LRRK2: variants seen among roughly 807,000 people sequenced by gnomAD.
LRRK2 encodes leucine-rich repeat serine/threonine-protein kinase 2.
A neutral mutation model predicts 302.6 loss-of-function variants in LRRK2; 203 were observed. The observed-to-expected ratio is 0.67, with a 90% CI of 0.60 to 0.75. The LOEUF is 0.75. LRRK2 is among the 30% of genes least tolerant of loss of function. The probability of loss-of-function intolerance (pLI) is 0.00; values close to 1 mark genes in which losing one functional copy is unlikely to be tolerated. For synonymous variants in LRRK2, 1,066 were observed against 1,031.9 expected, an observed-to-expected ratio of 1.03 and a Z score of -0.63; for missense variants, 2,830 against 2,951.0, an observed-to-expected ratio of 0.96 and a Z score of 0.95.
chr12:40,249,378 T>C (rs189068815), intron 7 of LRRK2, among the ~76,000 whole-genome samples: 1 of 151,498 alleles, frequency 6.6e-6, no homozygotes, highest in South Asian at 2.1e-4. Flanking sequence ...AACATGCCAA[T>C]GAATTTTCTA....
intron 16 of LRRK2, among the ~76,000 whole-genome samples, chr12:40,276,915 C>T (rs975473755): frequency 2.0e-5 from 3 of 152,252 alleles, no homozygotes; most frequent in Admixed American, 6.5e-5. Context: ...TCACTGCAAC[C>T]TCTGCCTCCT....
In LRRK2 at chr12:40,323,151, A is replaced by G. The variant is rs41286460; in HGVS notation, c.5510-9A>G. On this transcript the variant is annotated splice_polypyrimidine_tract_variant and intron_variant, in intron 37 of 50. Coordinates refer to ENST00000298910, the MANE Select transcript of LRRK2 (RefSeq NM_198578.4). Reference sequence around the variant, plus strand: ...GTTTTTATTTAAAAAATGTTTTATTACTTCTCAGGAGATCTCTTAGTAAAT... The same window carrying G: ...GTTTTTATTTAAAAAATGTTTTATTGCTTCTCAGGAGATCTCTTAGTAAAT... 3.2e-3 allele frequency: 5,094 copies of G among 1,610,342 alleles called. 21 individuals are homozygous for G. Among genetic ancestry groups the G allele is most frequent in the Middle Eastern group, 0.018 (108 of 6,050 alleles).
chr12:40,265,955 A>G (rs1244157784), intron 14 of LRRK2, among the ~76,000 whole-genome samples: 1 of 152,220 alleles, frequency 6.6e-6, no homozygotes, highest in African/African-American at 2.4e-5. Flanking sequence ...CCATATGTAG[A>G]AAGCTGAAAC....
At chr12:40,354,634 A>G in intron 45 of LRRK2, 142 bp downstream of exon 45, 1 of 777,546 alleles carries the variant, frequency 1.3e-6, no homozygotes, top group Non-Finnish European at 2.1e-6. Context: ...GGAATTGTGG[A>G]AGGTCACAGA....
At chr12:40,240,390 C>G (rs1204670863) in intron 5 of LRRK2, 93 bp from the exon 6 acceptor site, 49 of 1,154,848 alleles carry the variant, frequency 4.2e-5, no homozygotes, top group Non-Finnish European at 6.0e-5. Context: ...CTTGATGTAT[C>G]TCACACAACT....
chr12:40,306,813 T>G (rs761690154), intron 28 of LRRK2, among the ~76,000 whole-genome samples: 2 of 152,178 alleles, frequency 1.3e-5, no homozygotes, highest in Admixed American at 6.6e-5. Context: ...TATATTTAAC[T>G]TCATCTGTTT....
At chr12:40,367,302 GC>G (rs1946908614) in intron 50 of LRRK2, 1 of 485,312 alleles carries the variant, frequency 2.1e-6, no homozygotes, top group Non-Finnish European at 3.6e-6. Flanking sequence ...TCAATCACTA[GC>G]TCAACCTTAA....
chr12:40,296,892 G>A (rs539019920), intron 23 of LRRK2, among the ~76,000 whole-genome samples: 8 of 151,964 alleles, frequency 5.3e-5, no homozygotes, highest in African/African-American at 1.9e-4. Flanking sequence ...AGCCACCCAG[G>A]GCTCAATTTA....
chr12:40,230,132 G>A (rs1213505501), intron 2 of LRRK2, among the ~76,000 whole-genome samples: 1 of 152,104 alleles, frequency 6.6e-6, no homozygotes, highest in Non-Finnish European at 1.5e-5. Flanking sequence ...TGTCCTACTT[G>A]AGTAGTATAG....
At position 40,293,632 on chromosome 12, in the gene LRRK2, C is replaced by T. The variant is rs1944250276; in HGVS notation, c.2777C>T (p.Ser926Leu). Residue 926 changes from serine to leucine, a missense_variant, in exon 21 of 51, where the codon TCA becomes TTA. Physicochemically the swap from Ser to Leu is moderately radical, Grantham distance 145. Around this residue, in one of 3 missense-constraint regions of LRRK2, gnomAD observed 2,121 missense variants for 2,148.0 expected, o/e 0.99. Transcript: ENST00000298910. ...CGAGATGCCGTATTACAGCGTTGCTCACCAAATTTGCAAAGACATTCCAAT... is the reference window on the plus strand; with the variant it reads ...CGAGATGCCGTATTACAGCGTTGCTTACCAAATTTGCAAAGACATTCCAAT... The part of the protein sequence containing the change: ...FYRDAVLQRC[S>L]PNLQRHSNSL... The T allele has an allele frequency of 1.2e-6, 2 of 1,611,058 alleles. No individual in the cohort carries two copies. Among genetic ancestry groups the T allele is most frequent in the Admixed American group, 1.7e-5 (1 of 59,796 alleles).
intron 14 of LRRK2, among the ~76,000 whole-genome samples, chr12:40,265,987 A>G (rs1942994870): frequency 6.6e-6 from 1 of 152,202 alleles, no homozygotes; most frequent in South Asian, 2.1e-4. Flanking sequence ...CTTACACCTT[A>G]TACAAAAATA....
chr12:40,329,924 T>C (rs938321399), intron 39 of LRRK2, among the ~76,000 whole-genome samples: 2 of 152,188 alleles, frequency 1.3e-5, no homozygotes, highest in African/African-American at 2.4e-5. Context: ...GGAAAAGATA[T>C]ATATTTTCAT....
chr12:40,337,029 T>C (rs2136944468), intron 40 of LRRK2, among the ~76,000 whole-genome samples: 1 of 152,336 alleles, frequency 6.6e-6, no homozygotes, highest in African/African-American at 2.4e-5. Context: ...GTAAATGAAA[T>C]GTCAGCATAT....
At chr12:40,284,556 A>G (rs1240646473) in intron 19 of LRRK2, among the ~76,000 whole-genome samples, 3 of 152,266 alleles carry the variant, frequency 2.0e-5, no homozygotes, top group Admixed American at 1.3e-4. Context: ...ATGTAAAAGC[A>G]TACACACATA....
At chr12:40,328,084 CTACAT>C (rs1483879527) in intron 38 of LRRK2, among the ~76,000 whole-genome samples, 1 of 152,054 alleles carries the variant, frequency 6.6e-6, no homozygotes, top group Non-Finnish European at 1.5e-5. Flanking sequence ...TGAAAATTCT[CTACAT>C]TAAAGGGATA....
chr12:40,266,535 C>T (rs1943021949), intron 14 of LRRK2, among the ~76,000 whole-genome samples: 1 of 152,072 alleles, frequency 6.6e-6, no homozygotes, highest in Non-Finnish European at 1.5e-5. Context: ...GAAATAGGAA[C>T]ACTTTTACAC....
Position 40,346,869 on chromosome 12 carries a change from G to A in LRRK2, c.6226G>A (p.Gly2076Ser), listed in dbSNP as rs1946203148. 3.1e-6 allele frequency: 5 copies of A among 1,613,138 alleles called. No homozygotes were observed. Among genetic ancestry groups the A allele is most frequent in the Non-Finnish European group, 4.2e-6 (5 of 1,179,606 alleles). Residue 2076 changes from glycine (G) to serine (S), a missense_variant, in exon 42 of 51, where the codon GGT (glycine) becomes AGT (serine). Coordinates refer to ENST00000298910, the MANE Select transcript of LRRK2 (RefSeq NM_198578.4). ...GACAACTGGAGGTAGAATAGTAGAG[G>A]GTTTGAAGTTTCCAAATGAGTTTGA... ...ILTTGGRIVEGLKFPNEFDEL... is the reference protein window; with the variant it reads ...ILTTGGRIVESLKFPNEFDEL...
At chr12:40,332,864 T>C (rs1945751702) in intron 39 of LRRK2, among the ~76,000 whole-genome samples, 1 of 151,074 alleles carries the variant, frequency 6.6e-6, no homozygotes, top group African/African-American at 2.4e-5. Context: ...ATTAAAAATG[T>C]CTACAGAGCC....
chr12:40,304,379 T>C, intron 27 of LRRK2: 4 of 571,094 alleles, frequency 7.0e-6, no homozygotes, highest in Non-Finnish European at 1.2e-5. Flanking sequence ...AATCTACTTT[T>C]AAAAATAAGG....
Sources: gnomAD v4.1 joint callset for allele counts (sites outside exome capture counted in the v4.1 genomes callset) on GRCh38, gnomAD v4.1.1 for gene constraint, gnomAD v4.1.1 regional missense constraint, MANE v1.5 for transcripts, NCBI Gene and HGNC (gene_info 2026-07-23, HGNC 2026-07-21) for gene names.